Variants in OAS3 observed in about 807,000 individuals in gnomAD.
OAS3 encodes 2'-5'-oligoadenylate synthase 3.
A neutral mutation model predicts 113.0 loss-of-function variants in OAS3; 107 were observed. That is an observed-to-expected ratio of 0.95 (90% confidence interval 0.81 to 1.11). The LOEUF is 1.11. Among genes scored for constraint, OAS3 ranks in the 50% most tolerant of loss-of-function variants. The pLI is 0.00. For synonymous variants in OAS3, 552 were observed against 573.6 expected (o/e 0.96, Z 0.54); for missense variants, 1,258 against 1,389.1 (o/e 0.91, Z 1.50).
rs967404480 is a variant in OAS3 at position 112,941,652 on chromosome 12, A to C, written c.260A>C (p.Tyr87Ser). The C allele has an allele frequency of 1.2e-6, 2 of 1,614,024 alleles. No homozygotes were observed. Among genetic ancestry groups the C allele is most frequent in the Non-Finnish European group, 8.5e-7 (1 of 1,179,898 alleles). ...ATCTTCCTCGACTGCTTCAAGAGCT[A>C]TGTGGACCAGAGGGCCCGCCGTGCA... ...LVIFLDCFKSYVDQRARRAEI... is the reference protein window; with the variant it reads ...LVIFLDCFKSSVDQRARRAEI... Residue 87 changes from tyrosine (Y) to serine (S), a missense_variant, in exon 2 of 16, where the codon TAT becomes TCT. By Grantham distance (144) the Tyr-to-Ser change is moderately radical. Transcript: ENST00000228928.
Position 112,967,927 on chromosome 12 carries a change from G to C in OAS3, c.2866-9G>C, listed in dbSNP as rs771033029. The C allele has an allele frequency of 2.2e-5, 36 of 1,610,968 alleles. No individual in the cohort carries two copies. Among genetic ancestry groups the C allele is most frequent in the Non-Finnish European group, 3.1e-5 (36 of 1,178,016 alleles). ...TATGAACCAACATATCTTTCTTCTCGTTCTCCAGTGTACCAAGATCTCCAA... is the reference window on the plus strand; with the variant it reads ...TATGAACCAACATATCTTTCTTCTCCTTCTCCAGTGTACCAAGATCTCCAA... On this transcript the variant is annotated splice_polypyrimidine_tract_variant and intron_variant, in intron 13 of 15. Transcript: ENST00000228928.
At chr12:112,960,103 CTT>C (rs2043869423) in intron 7 of OAS3, among the ~76,000 whole-genome samples, 1 of 151,994 alleles carries the variant, frequency 6.6e-6, no homozygotes, top group Non-Finnish European at 1.5e-5. Flanking sequence ...ATTTTGTTGT[CTT>C]TGCTTTTCCT....
chr12:112,961,355 T>C (rs901471447), intron 8 of OAS3, 109 bp downstream of exon 8: 18 of 1,030,812 alleles, frequency 1.7e-5, no homozygotes, highest in Non-Finnish European at 1.4e-6. Context: ...TTCTTATTGG[T>C]CATCCAGAGC....
chr12:112,963,481 C>A lies in OAS3; in HGVS notation c.2229+24C>A. 1.3e-6 allele frequency: 2 copies of A among 1,499,046 alleles called. No homozygotes were observed. The highest frequency in any genetic ancestry group is 1.3e-5 in the South Asian group (1 of 77,720). The allele number at this position is 1,499,046 out of a possible 1,614,324, so 92.9% of individuals were successfully genotyped here. A position where few individuals can be genotyped will look rare whatever the true frequency, so the allele number is the denominator to read the frequency against. ...TGGTAAGATGGAGGGTCCTGGGGGG[C>A]AGGGGGCCCTGCACCCTGCCTTCTA... On this transcript the variant is annotated intron_variant, in intron 10 of 15. Coordinates refer to ENST00000228928, the MANE Select transcript of OAS3 (RefSeq NM_006187.4). The surrounding 1 kb of genome is among the most constrained non-coding windows in gnomAD (Gnocchi z 4.6).
intron 1 of OAS3, 31 bp from the exon 2 acceptor site, chr12:112,941,539 A>T: frequency 6.2e-7 from 1 of 1,600,958 alleles, no homozygotes; most frequent in Non-Finnish European, 8.5e-7. Context: ...ATTGGACAGT[A>T]TGAAATTCTG....
chr12:112,948,944 C>G lies in OAS3; in HGVS notation c.1113C>G (p.Ser371Arg). The G allele has an allele frequency of 1.2e-6, 2 of 1,613,142 alleles. No individual in the cohort carries two copies. Among genetic ancestry groups the G allele is most frequent in the Non-Finnish European group, 1.7e-6 (2 of 1,179,550 alleles). Residue 371 changes from serine to arginine, a missense_variant, in exon 6 of 16, where the codon AGC (serine) becomes AGG (arginine). Ser to Arg is a moderately radical substitution (Grantham distance 110). Coordinates refer to ENST00000228928, the MANE Select transcript of OAS3 (RefSeq NM_006187.4). ...AGAAGACCCCTGAAAACAGCAAGAG[C>G]CTCAATGCTGTGTACCCAAGAGCAG... is the stretch of plus-strand genomic sequence containing the variant. ...PNQKTPENSK[S>R]LNAVYPRAGS...
In OAS3 at chr12:112,942,648, G is replaced by T. The variant is rs1220972743; in HGVS notation, c.460+796G>T. Among the ~76,000 whole-genome samples the T allele has an allele frequency of 2.6e-5, 4 of 151,878 alleles. No individual in the cohort carries two copies. The East Asian group carries it at 7.7e-4, about 29-fold the overall frequency. On this transcript the variant is annotated intron_variant, in intron 2 of 15. Transcript: ENST00000228928. ...TGGGAGGATTGTTTGAGCCCAGGCA[G>T]TGGAGGCTGCAGTGAATTGTGATTT... is the stretch of plus-strand genomic sequence containing the variant.
At chr12:112,956,069 G>A (rs537709964) in intron 7 of OAS3, among the ~76,000 whole-genome samples, 33 of 152,196 alleles carry the variant, frequency 2.2e-4, no homozygotes, top group Non-Finnish European at 4.4e-4. Context: ...TCTTGGGAGC[G>A]TGTCTGTGTC....
In OAS3 at chr12:112,941,139, A is replaced by G. The variant is rs145213677; in HGVS notation, c.178-431A>G. ...GGAATTCCAAGCTGCAGTGAGCTACAATCGTGTCTGTGAATAGCCACTGCA... is the reference window on the plus strand; with the variant it reads ...GGAATTCCAAGCTGCAGTGAGCTACGATCGTGTCTGTGAATAGCCACTGCA... On this transcript the variant is annotated intron_variant, in intron 1 of 15. Transcript: ENST00000228928. Among the ~76,000 whole-genome samples, 159 of 151,890 alleles carry G rather than the reference A, an allele frequency of 1.0e-3. 1 individual carries two copies. The highest frequency in any genetic ancestry group is 6.9e-3 in the Middle Eastern group (2 of 290).
rs1227503465 is a variant in OAS3 at position 112,941,683 on chromosome 12, C to A, written c.291C>A (p.Ile97=). ...YVDQRARRAE[I]LSEMRASLES... Reference sequence around the variant, plus strand: ...ACCAGAGGGCCCGCCGTGCAGAGATCCTCAGTGAGATGCGGGCATCGCTGG... The same window carrying A: ...ACCAGAGGGCCCGCCGTGCAGAGATACTCAGTGAGATGCGGGCATCGCTGG... Residue 97 remains isoleucine, a synonymous_variant, in exon 2 of 16, where the codon ATC becomes ATA. Transcript: ENST00000228928. 1.2e-6 allele frequency: 2 copies of A among 1,614,056 alleles called. No homozygotes were observed. The highest frequency in any genetic ancestry group is 1.7e-6 in the Non-Finnish European group (2 of 1,179,892).
chr12:112,947,554 C>T (rs1320978564), intron 4 of OAS3, among the ~76,000 whole-genome samples: 1 of 152,156 alleles, frequency 6.6e-6, no homozygotes, highest in Non-Finnish European at 1.5e-5. Context: ...GTTGTCTATT[C>T]TACTGATGAT....
At chr12:112,946,672 G>C (rs937777570) in intron 3 of OAS3, 71 bp from the exon 4 acceptor site, 49 of 1,362,680 alleles carry the variant, frequency 3.6e-5, no homozygotes, top group Middle Eastern at 1.9e-4. Context: ...TCCCCAGTCT[G>C]GTTATGCAGA....
chr12:112,953,744 A>T (rs1156947121), intron 7 of OAS3, among the ~76,000 whole-genome samples: 3 of 152,054 alleles, frequency 2.0e-5, no homozygotes, highest in East Asian at 3.8e-4. Flanking sequence ...GCCAGTGATG[A>T]TGAGCATTTT....
chr12:112,969,664 G>A lies in OAS3; in HGVS notation c.3161G>A (p.Trp1054Ter), dbSNP rs754138419. Residue 1054 changes from tryptophan to a stop codon, truncating the protein, a stop_gained, in exon 15 of 16, where the codon TGG (tryptophan) becomes TAG (stop). Transcript: ENST00000228928. LOFTEE classifies it high-confidence loss of function. ...GGCAACCTGGGCCACAATGCCCGCT[G>A]GGACCTGCTGGCCAAGGAAGCTGCA... is the stretch of plus-strand genomic sequence containing the variant. Reference protein sequence around the residue: ...PTGNLGHNARWDLLAKEAAAC... With the variant: ...PTGNLGHNAR 3.7e-5 allele frequency: 60 copies of A among 1,610,120 alleles called. No homozygotes were observed. The East Asian group carries it at 1.3e-3, about 36-fold the overall frequency.
intron 2 of OAS3, among the ~76,000 whole-genome samples, chr12:112,942,968 C>T (rs572854443): frequency 7.2e-5 from 11 of 152,036 alleles, no homozygotes; most frequent in African/African-American, 2.4e-4. Flanking sequence ...GACAGGGTCT[C>T]ACTCTGTCAC....
At position 112,968,110 on chromosome 12, in the gene OAS3, A is replaced by G. The variant is rs375666217; in HGVS notation, c.3040A>G (p.Ile1014Val). The change falls in exon 14 of 16, where the codon ATC becomes GTC. Residue 1014 changes from isoleucine to valine, a missense_variant. Transcript: ENST00000228928. ...QYRQLCIYWTINYNAKDKTVG... is the reference protein window; with the variant it reads ...QYRQLCIYWTVNYNAKDKTVG... Reference sequence around the variant, plus strand: ...CCGCCAGCTCTGTATCTACTGGACCATCAACTACAACGCCAAGGACAAGAC... The same window carrying G: ...CCGCCAGCTCTGTATCTACTGGACCGTCAACTACAACGCCAAGGACAAGAC... The G allele has an allele frequency of 2.5e-6, 4 of 1,613,876 alleles. No homozygotes were observed. In the African/African-American group the frequency reaches 5.3e-5, roughly 22 times the overall value.
chr12:112,939,350 C>T (rs755760903), intron 1 of OAS3, among the ~76,000 whole-genome samples: 11 of 118,846 alleles, frequency 9.3e-5, no homozygotes, highest in Non-Finnish European at 1.5e-4. Context: ...GACAGGGTCT[C>T]GCTCTGTCAC....
chr12:112,953,138 T>TC (rs1290154538), intron 7 of OAS3, among the ~76,000 whole-genome samples: 16 of 147,654 alleles, frequency 1.1e-4, no homozygotes, highest in Admixed American at 4.0e-4. Context: ...CCCTCCCCAC[T>TC]CCCCCCACCC....
At chr12:112,951,040 A>G in intron 7 of OAS3, 65 bp downstream of exon 7, 2 of 1,485,160 alleles carry the variant, frequency 1.3e-6, no homozygotes, top group Non-Finnish European at 1.8e-6. Context: ...TAACAGGGGC[A>G]CCTGCCATCC....
Sources: allele counts gnomAD v4.1 joint callset (sites outside exome capture counted in the v4.1 genomes callset), GRCh38; gene constraint gnomAD v4.1.1; non-coding constraint Gnocchi (gnomAD v3.1); transcripts MANE v1.5; gene names NCBI Gene and HGNC (gene_info 2026-07-23, HGNC 2026-07-21).